Variants in NINJ2 observed in about 807,000 individuals in gnomAD.
NINJ2 encodes ninjurin 2.
A neutral mutation model predicts 11.7 loss-of-function variants in NINJ2; 12 were observed. The ratio of observed to expected loss-of-function variants is 1.02; its 90% CI spans 0.66 to 1.66. The LOEUF is 1.66. Ranked by LOEUF, NINJ2 falls within the 40% of genes most tolerant of loss-of-function variation. The pLI, the probability that NINJ2 is intolerant of heterozygous loss-of-function variation, is 0.00. For missense variants in NINJ2, 187 were observed against 181.8 expected (o/e 1.03, Z -0.16); for synonymous variants, 93 against 76.8 (o/e 1.21, Z -1.10).
At chr12:573,867 G>A (rs1947413415) in intron 1 of NINJ2, among the ~76,000 whole-genome samples, 1 of 152,176 alleles carries the variant, frequency 6.6e-6, no homozygotes, top group African/African-American at 2.4e-5. Context: ...CTGGGTGACT[G>A]GAAGAATAGG....
intron 1 of NINJ2, among the ~76,000 whole-genome samples, chr12:641,614 G>C (rs1948417311): frequency 6.6e-6 from 1 of 152,190 alleles, no homozygotes; most frequent in African/African-American, 2.4e-5. Flanking sequence ...GGAGGCCGAG[G>C]CAGGCGGATC....
chr12:578,976 T>C (rs2079636713), intron 1 of NINJ2, among the ~76,000 whole-genome samples: 1 of 152,152 alleles, frequency 6.6e-6, no homozygotes, highest in Non-Finnish European at 1.5e-5. Context: ...ACCTTAGATT[T>C]TGTGATGGAG....
chr12:593,375 C>T (rs1947740130), intron 1 of NINJ2, among the ~76,000 whole-genome samples: 1 of 152,122 alleles, frequency 6.6e-6, no homozygotes, highest in African/African-American at 2.4e-5. Context: ...GGCGCAGTGG[C>T]TCATGCCTGT....
intron 1 of NINJ2, among the ~76,000 whole-genome samples, chr12:656,016 A>G (rs923102418): frequency 7.2e-5 from 11 of 152,316 alleles, no homozygotes; most frequent in African/African-American, 2.6e-4. Flanking sequence ...AACAATCCCA[A>G]TCAAAATCAG....
At chr12:629,943 TA>T (rs1049598422) in intron 1 of NINJ2, among the ~76,000 whole-genome samples, 1 of 127,656 alleles carries the variant, frequency 7.8e-6, no homozygotes, top group Non-Finnish European at 1.6e-5. Flanking sequence ...TGCGATTTTT[TA>T]AAAGTGTATC....
chr12:629,162 C>G (rs995792009), intron 1 of NINJ2, among the ~76,000 whole-genome samples: 1 of 152,208 alleles, frequency 6.6e-6, no homozygotes, highest in Non-Finnish European at 1.5e-5. Context: ...GATCGGGACC[C>G]CTTTCTGGCA....
intron 1 of NINJ2, among the ~76,000 whole-genome samples, chr12:648,996 G>GTCTATCTGTCTA (rs71051368): frequency 4.0e-5 from 6 of 148,912 alleles, no homozygotes; most frequent in African/African-American, 1.0e-4. Flanking sequence ...CTATCTATCT[G>GTCTATCTGTCTA]TCTATCTATC....
chr12:621,165 C>A (rs780453428), intron 1 of NINJ2, among the ~76,000 whole-genome samples: 3 of 152,102 alleles, frequency 2.0e-5, no homozygotes, highest in African/African-American at 7.2e-5. Context: ...GAGTAGTGTA[C>A]AACCAGGCAT....
chr12:600,839 G>A (rs1021071746), intron 1 of NINJ2, among the ~76,000 whole-genome samples: 6 of 152,040 alleles, frequency 3.9e-5, no homozygotes, highest in African/African-American at 1.4e-4. Context: ...GAGCCACCAT[G>A]CCTGGCCCAG....
chr12:613,197 C>T (rs1298762807), intron 1 of NINJ2, among the ~76,000 whole-genome samples: 1 of 152,212 alleles, frequency 6.6e-6, no homozygotes, highest in Non-Finnish European at 1.5e-5. Flanking sequence ...TGAGCAAAAT[C>T]CCTGTGACAG....
chr12:658,712 TA>T (rs1937911305), intron 1 of NINJ2, among the ~76,000 whole-genome samples: 1 of 96,776 alleles, frequency 1.0e-5, no homozygotes, highest in Non-Finnish European at 2.4e-5. Flanking sequence ...TATGCTATGC[TA>T]TGCTATGCTA....
chr12:571,526 C>T (rs1051566047), intron 1 of NINJ2, among the ~76,000 whole-genome samples: 7 of 152,238 alleles, frequency 4.6e-5, no homozygotes, highest in Non-Finnish European at 1.0e-4. Context: ...CTCCCTCTTC[C>T]GCGCCCTCCT....
chr12:615,771 C>A (rs1162572095), intron 1 of NINJ2, among the ~76,000 whole-genome samples: 1 of 152,206 alleles, frequency 6.6e-6, no homozygotes, highest in Non-Finnish European at 1.5e-5. Context: ...GTGGGACTGT[C>A]ATCCTGTGGG....
chr12:639,883 G>C (rs1230968648), intron 1 of NINJ2, among the ~76,000 whole-genome samples: 1 of 152,212 alleles, frequency 6.6e-6, no homozygotes, highest in Non-Finnish European at 1.5e-5. Context: ...TAGAAACATA[G>C]GTACAAAGTA....
intron 1 of NINJ2, among the ~76,000 whole-genome samples, chr12:635,434 T>C (rs1948339454): frequency 6.6e-6 from 1 of 152,204 alleles, no homozygotes; most frequent in Non-Finnish European, 1.5e-5. Context: ...CTTGCCTATA[T>C]GGTAAACTGA....
In NINJ2 at chr12:585,384, G is replaced by A. The variant is rs1947618515; in HGVS notation, c.34-19206C>T. ...AAAGGGAAAGAGTAGGTTCGCCGGG[G>A]ACAATCCCACACCAGGAAGCCCCAC... On this transcript the variant is annotated intron_variant, in intron 1 of 3. Transcript: ENST00000305108. This position sits in a 1 kb window ranked among gnomAD's most constrained non-coding sequence, Gnocchi z 4.1. Among the ~76,000 whole-genome samples the A allele has an allele frequency of 1.3e-5, 2 of 152,170 alleles. No homozygotes were observed. The highest frequency in any genetic ancestry group is 2.4e-5 in the African/African-American group (1 of 41,418).
At chr12:650,369 GATT>G (rs1257616232) in intron 1 of NINJ2, among the ~76,000 whole-genome samples, 1 of 152,176 alleles carries the variant, frequency 6.6e-6, no homozygotes, top group African/African-American at 2.4e-5. Context: ...GAAGTGCTAG[GATT>G]ATAGGTGTAA....
At chr12:588,295 T>C (rs1203267616) in intron 1 of NINJ2, among the ~76,000 whole-genome samples, 1 of 151,498 alleles carries the variant, frequency 6.6e-6, no homozygotes, top group African/African-American at 2.4e-5. Context: ...CTTCAAATAG[T>C]CCCCTTTGTG....
intron 1 of NINJ2, chr12:644,467 AAAAT>A (rs1937645444): frequency 6.6e-6 from 1 of 152,258 alleles, no homozygotes; most frequent in Non-Finnish European, 1.5e-5. Flanking sequence ...AACTTACATC[AAAAT>A]AAATAGACTG....
Sources: gnomAD v4.1 joint callset for allele counts (sites outside exome capture counted in the v4.1 genomes callset) on GRCh38, gnomAD v4.1.1 for gene constraint, Gnocchi (gnomAD v3.1) non-coding constraint, MANE v1.5 for transcripts, NCBI Gene and HGNC (gene_info 2026-07-23, HGNC 2026-07-21) for gene names.